Variants in PAQR8 observed in about 807,000 individuals in gnomAD.
PAQR8 encodes progestin and adipoQ receptor family member 8.
In PAQR8, 17 loss-of-function variants were observed where a neutral mutation model predicts 25.2. The observed-to-expected ratio is 0.67, with a 90% CI of 0.46 to 1.01. The LOEUF is 1.01. Ranked by LOEUF, PAQR8 falls within the 50% of genes least tolerant of loss-of-function variation. The pLI, the probability that PAQR8 is intolerant of heterozygous loss-of-function variation, is 0.00. For synonymous variants in PAQR8, 204 were observed against 190.6 expected (o/e 1.07, Z -0.58); for missense variants, 392 against 448.4 (o/e 0.87, Z 1.14).
chr6:52,398,316 C>T (rs1763792067), intron 1 of PAQR8, among the ~76,000 whole-genome samples: 1 of 150,358 alleles, frequency 6.7e-6, no homozygotes, highest in African/African-American at 2.4e-5. Flanking sequence ...AAGTGATTCT[C>T]CTGCCTCAGC....
intron 1 of PAQR8, among the ~76,000 whole-genome samples, chr6:52,396,124 G>C (rs1250016739): frequency 6.6e-6 from 1 of 152,210 alleles, no homozygotes; most frequent in African/African-American, 2.4e-5. Context: ...TAAAGGAGCT[G>C]GTGGCTAATG....
intron 1 of PAQR8, among the ~76,000 whole-genome samples, chr6:52,375,831 T>C (rs966576373): frequency 7.9e-5 from 12 of 152,242 alleles, no homozygotes; most frequent in African/African-American, 2.9e-4. Flanking sequence ...GCTGGGATGC[T>C]TTAAACACTG....
At chr6:52,400,079 CT>C (rs1763812785) in intron 1 of PAQR8, among the ~76,000 whole-genome samples, 1 of 152,210 alleles carries the variant, frequency 6.6e-6, no homozygotes, top group Non-Finnish European at 1.5e-5. Flanking sequence ...CACACTCCCT[CT>C]TTCTGTGTTT....
chr6:52,377,660 G>A (rs908081167), intron 1 of PAQR8, among the ~76,000 whole-genome samples: 1 of 151,908 alleles, frequency 6.6e-6, no homozygotes, highest in Non-Finnish European at 1.5e-5. Context: ...TGTTTAAGAA[G>A]CAACTTCCCA....
At chr6:52,389,131 A>T (rs1174822366) in intron 1 of PAQR8, among the ~76,000 whole-genome samples, 1 of 152,250 alleles carries the variant, frequency 6.6e-6, no homozygotes, top group Non-Finnish European at 1.5e-5. Flanking sequence ...ATGGTTAGAA[A>T]TTCAGCCAGC....
At chr6:52,373,264 A>G (rs561695742) in intron 1 of PAQR8, among the ~76,000 whole-genome samples, 13 of 152,388 alleles carry the variant, frequency 8.5e-5, no homozygotes, top group African/African-American at 3.1e-4. Context: ...GGATTCTATT[A>G]GGGCAGCAAA....
intron 1 of PAQR8, among the ~76,000 whole-genome samples, chr6:52,367,724 T>C (rs1016215774): frequency 2.6e-5 from 4 of 152,180 alleles, no homozygotes; most frequent in African/African-American, 4.8e-5. Flanking sequence ...TCCCCCAGAC[T>C]TGTGTAGAGG....
chr6:52,406,419 A>G lies in PAQR8; in HGVS notation c.*2141A>G, dbSNP rs2113955229. The stretch of plus-strand genomic sequence containing the variant: ...AAAAGAGAGAACCGGAGGTAGAGCA[A>G]TGATCAGATGGGTGCACAGACCAGT... On this transcript the variant is annotated 3_prime_UTR_variant, in exon 2 of 2. Coordinates refer to ENST00000442253, the MANE Select transcript of PAQR8 (RefSeq NM_133367.5). 3 of 413,362 alleles carry G rather than the reference A, an allele frequency of 7.3e-6. No homozygotes were observed. The highest frequency in any genetic ancestry group is 1.3e-4 in the South Asian group (1 of 7,854). The allele number at this position is 413,362 out of a possible 1,614,324, so 25.6% of individuals were successfully genotyped here.
chr6:52,379,412 C>T (rs552663821), intron 1 of PAQR8, among the ~76,000 whole-genome samples: 73 of 152,228 alleles, frequency 4.8e-4, no homozygotes, highest in Middle Eastern at 3.4e-3. Flanking sequence ...GAACTGTACA[C>T]TTAAAATGGT....
intron 1 of PAQR8, among the ~76,000 whole-genome samples, chr6:52,365,496 C>T (rs1022925981): frequency 1.3e-5 from 2 of 152,044 alleles, no homozygotes; most frequent in African/African-American, 2.4e-5. Flanking sequence ...AACATTGATG[C>T]GTGTAGAACA....
intron 1 of PAQR8, among the ~76,000 whole-genome samples, chr6:52,395,667 T>C (rs746178447): frequency 6.6e-6 from 1 of 152,248 alleles, no homozygotes; most frequent in Non-Finnish European, 1.5e-5. Flanking sequence ...TACGTGTGGA[T>C]AGATTTATTT....
intron 1 of PAQR8, among the ~76,000 whole-genome samples, chr6:52,364,083 G>GTTCTTTTTTT (rs1763322358): frequency 1.2e-5 from 1 of 84,268 alleles, no homozygotes; most frequent in Non-Finnish European, 2.2e-5. Context: ...TGAAAGATAT[G>GTTCTTTTTTT]TTTTTTTTTT....
Position 52,407,621 on chromosome 6 carries a change from A to G in PAQR8, c.*3343A>G, listed in dbSNP as rs1260861680. The G allele has an allele frequency of 7.2e-6, 1 of 138,552 alleles. No homozygotes were observed. Among genetic ancestry groups the G allele is most frequent in the Non-Finnish European group, 1.6e-5 (1 of 63,396 alleles). 8.6% of individuals were successfully genotyped at this position (138,552 alleles called of 1,614,324 possible). ...TGTCTTACTCAGAAAGGGCACTGCCATTGTCCCCAAGGCTTCTGTCTACTA... is the reference window on the plus strand; with the variant it reads ...TGTCTTACTCAGAAAGGGCACTGCCGTTGTCCCCAAGGCTTCTGTCTACTA... On this transcript the variant is annotated 3_prime_UTR_variant, in exon 2 of 2. Coordinates refer to ENST00000442253, the MANE Select transcript of PAQR8 (RefSeq NM_133367.5).
intron 1 of PAQR8, among the ~76,000 whole-genome samples, chr6:52,388,298 C>G (rs1373686621): frequency 6.6e-6 from 1 of 151,896 alleles, no homozygotes; most frequent in Non-Finnish European, 1.5e-5. Context: ...ATGGCTTGAG[C>G]CTGGGAGGTG....
chr6:52,406,700 C>T lies in PAQR8; in HGVS notation c.*2422C>T. 2.5e-6 allele frequency: 1 copy of T among 402,456 alleles called. No homozygotes were observed. The highest frequency in any genetic ancestry group is 4.5e-6 in the Non-Finnish European group (1 of 224,004). The allele number at this position is 402,456 out of a possible 1,614,324, so 24.9% of individuals were successfully genotyped here. On this transcript the variant is annotated 3_prime_UTR_variant, in exon 2 of 2. Coordinates refer to ENST00000442253, the MANE Select transcript of PAQR8 (RefSeq NM_133367.5). ...ACCTCAGCCTCCTAAGTACCTGGTA[C>T]TACAGGCGCGTGCCACCACACCTGG...
Position 52,374,558 on chromosome 6 carries a change from C to T in PAQR8, c.-53+12309C>T, listed in dbSNP as rs867114484. Among the ~76,000 whole-genome samples the T allele has an allele frequency of 5.3e-5, 8 of 152,248 alleles. No individual in the cohort carries two copies. The Middle Eastern group carries it at 0.014, about 259-fold the overall frequency. On this transcript the variant is annotated intron_variant, in intron 1 of 1. Coordinates refer to ENST00000442253, the MANE Select transcript of PAQR8 (RefSeq NM_133367.5). ...CCTTGTTATTAGGTAGGATTACAGT[C>T]ACATACCACGATGCCCAGCTAATTT...
chr6:52,366,514 T>C (rs1338559652), intron 1 of PAQR8, among the ~76,000 whole-genome samples: 1 of 152,238 alleles, frequency 6.6e-6, no homozygotes, highest in Non-Finnish European at 1.5e-5. Flanking sequence ...GTGTTCATAT[T>C]TTTGAGGTGG....
intron 1 of PAQR8, among the ~76,000 whole-genome samples, chr6:52,393,333 C>CTTT (rs35079265): frequency 0.27 from 30,379 of 110,760 alleles, 4,978 homozygotes; most frequent in Non-Finnish European, 0.36. Flanking sequence ...CTTTCTCTCT[C>CTTT]TTTTTTTTTT....
Position 52,404,274 on chromosome 6 carries a change from C to G in PAQR8, c.1061C>G (p.Ser354Cys). 6.3e-7 allele frequency: 1 copy of G among 1,584,176 alleles called. No homozygotes were observed. The highest frequency in any genetic ancestry group is 1.3e-5 in the African/African-American group (1 of 74,388). The change falls in exon 2 of 2, where the codon TCC becomes TGC. Residue 354 changes from serine to cysteine, a missense_variant. Coordinates refer to ENST00000442253, the MANE Select transcript of PAQR8 (RefSeq NM_133367.5). The part of the protein sequence containing the change: ...KVKARLTKKD[S>C] ...AAGGCCAGACTGACCAAGAAAGATT[C>G]CTGAGGCTGGCAAGTGGGGCAACGT...
Sources: allele counts gnomAD v4.1 joint callset (sites outside exome capture counted in the v4.1 genomes callset), GRCh38; gene constraint gnomAD v4.1.1; transcripts MANE v1.5; gene names NCBI Gene and HGNC (gene_info 2026-07-23, HGNC 2026-07-21).